Variants in JAK1 observed in about 807,000 individuals in gnomAD.
The protein encoded by JAK1 is Janus kinase 1.
A neutral mutation model predicts 136.6 loss-of-function variants in JAK1; 16 were observed. The observed-to-expected ratio is 0.12, with a 90% CI of 0.08 to 0.18. The LOEUF (loss-of-function observed/expected upper bound fraction) is 0.18. JAK1 is among the 10% of genes least tolerant of loss of function. The pLI, the probability that JAK1 is intolerant of heterozygous loss-of-function variation, is 1.00. For synonymous variants in JAK1, 492 were observed against 519.5 expected, an observed-to-expected ratio of 0.95 and a Z score of 0.72; for missense variants, 859 against 1,450.1, an observed-to-expected ratio of 0.59 and a Z score of 6.62.
chr1:64,875,357 A>G (rs1657336937), intron 4 of JAK1, among the ~76,000 whole-genome samples: 1 of 152,236 alleles, frequency 6.6e-6, no homozygotes, highest in Admixed American at 6.5e-5. Flanking sequence ...GGGAAGCCCC[A>G]TGGAAGATAG....
chr1:64,920,913 T>C lies in JAK1; in HGVS notation c.-77-34572A>G, dbSNP rs113143449. ...AAAACTGTCCCTAATATCCTACTGATAGAAAAAATAAGAGACACAGTTTCC... is the reference window on the plus strand; with the variant it reads ...AAAACTGTCCCTAATATCCTACTGACAGAAAAAATAAGAGACACAGTTTCC... On this transcript the variant is annotated intron_variant, in intron 1 of 24. Coordinates refer to ENST00000342505, the MANE Select transcript of JAK1 (RefSeq NM_002227.4). Among the ~76,000 whole-genome samples the C allele has an allele frequency of 1.2e-3, 178 of 152,276 alleles. 2 individuals carry two copies. Among genetic ancestry groups the C allele is most frequent in the African/African-American group, 3.7e-3 (154 of 41,568 alleles).
intron 1 of JAK1, among the ~76,000 whole-genome samples, chr1:64,907,490 A>G (rs1250188926): frequency 1.3e-5 from 2 of 152,130 alleles, no homozygotes; most frequent in African/African-American, 4.8e-5. Context: ...TACAAATAAG[A>G]TATGTTTGGA....
At chr1:65,032,170 T>C (rs778900834) in intron 2 of JAK1, among the ~76,000 whole-genome samples, 3 of 151,734 alleles carry the variant, frequency 2.0e-5, no homozygotes, top group Non-Finnish European at 4.4e-5. Context: ...TTTGCCATAT[T>C]GGCCAGGCTG....
chr1:65,067,370 G>T (rs1276721452), intron 1 of JAK1, among the ~76,000 whole-genome samples: 3 of 149,326 alleles, frequency 2.0e-5, no homozygotes, highest in Non-Finnish European at 4.5e-5. Context: ...CGCCGGAGCC[G>T]CTCTGTGCGC....
rs1025470183 is a variant in JAK1 at position 64,844,583 on chromosome 1, G to A, written c.2251+171C>T. ...AACGGGGGCTCGTTCAAGGACTTAA[G>A]AGAAGGCAGGAGATCAAGACCATCC... is the stretch of plus-strand genomic sequence containing the variant. On this transcript the variant is annotated intron_variant, in intron 16 of 24. Coordinates refer to ENST00000342505, the MANE Select transcript of JAK1 (RefSeq NM_002227.4). The surrounding 1 kb of genome is among the most constrained non-coding windows in gnomAD (Gnocchi z 5.7). Among the ~76,000 whole-genome samples the A allele has an allele frequency of 2.0e-5, 3 of 146,464 alleles. No homozygotes were observed. The highest frequency in any genetic ancestry group is 4.5e-5 in the Non-Finnish European group (3 of 67,152).
At chr1:64,847,708 T>C (rs1557629991) in intron 12 of JAK1, 33 bp from the exon 13 acceptor site, 2 of 1,609,390 alleles carry the variant, frequency 1.2e-6, no homozygotes, top group Non-Finnish European at 1.7e-6. Flanking sequence ...GGGTGACCTC[T>C]CTGTGCCCTG....
chr1:64,845,287 G>A (rs1337606436), intron 15 of JAK1, among the ~76,000 whole-genome samples: 1 of 152,054 alleles, frequency 6.6e-6, no homozygotes, highest in Admixed American at 6.6e-5. Flanking sequence ...GCCCTCTGAC[G>A]TGCTAACATT....
At position 64,984,928 on chromosome 1, in the gene JAK1, C is replaced by T. The variant is rs61734444; in HGVS notation, c.-78+59552G>A. 67,019 of 1,128,120 alleles carry T rather than the reference C, an allele frequency of 0.059. 2,397 individuals are homozygous for T. The highest frequency in any genetic ancestry group is 0.11 in the South Asian group (8,605 of 81,078). The allele number at this position is 1,128,120 out of a possible 1,614,324, so 69.9% of individuals were successfully genotyped here. The stretch of plus-strand genomic sequence containing the variant: ...CCAGGGCCCTGGCTGAAGAGTTCAG[C>T]CACAATAAACCAGGGAATGTGGTCT... On this transcript the variant is annotated intron_variant, in intron 2 of 25. Coordinates refer to the JAK1 transcript ENST00000671954. The surrounding 1 kb of genome is among the most constrained non-coding windows in gnomAD (Gnocchi z 4.1).
intron 1 of JAK1, among the ~76,000 whole-genome samples, chr1:64,892,256 T>C (rs1007074494): frequency 2.0e-5 from 3 of 151,502 alleles, no homozygotes; most frequent in Non-Finnish European, 4.4e-5. Context: ...GTGGGGAGAA[T>C]GGCTTGTCTT....
chr1:64,975,403 G>A (rs1270308435), intron 2 of JAK1, among the ~76,000 whole-genome samples: 1 of 152,214 alleles, frequency 6.6e-6, no homozygotes, highest in Non-Finnish European at 1.5e-5. Context: ...GATCTGAGCA[G>A]TGCACTTTCA....
At chr1:64,847,427 A>C in intron 13 of JAK1, 105 bp downstream of exon 13, 1 of 1,397,700 alleles carries the variant, frequency 7.2e-7, no homozygotes, top group South Asian at 1.3e-5. Flanking sequence ...CAAGTTTGAA[A>C]ACCACTGGGC....
At chr1:64,907,524 C>A (rs372678916) in intron 1 of JAK1, among the ~76,000 whole-genome samples, 24 of 152,206 alleles carry the variant, frequency 1.6e-4, no homozygotes, top group African/African-American at 5.1e-4. Flanking sequence ...ACATCACACA[C>A]TGGGGCCAAT....
At chr1:64,985,057 T>C in intron 2 of JAK1, 1 of 880,472 alleles carries the variant, frequency 1.1e-6, no homozygotes, top group Non-Finnish European at 2.0e-6. Context: ...GACATGAGGA[T>C]GGAACAAAAA....
chr1:64,940,419 C>A (rs928322455), intron 1 of JAK1, among the ~76,000 whole-genome samples: 7 of 151,590 alleles, frequency 4.6e-5, no homozygotes, highest in African/African-American at 1.7e-4. Flanking sequence ...CAGGTTCAAC[C>A]GATTCTTTTG....
chr1:64,853,956 TG>T (rs1655762326), intron 11 of JAK1, among the ~76,000 whole-genome samples: 1 of 152,190 alleles, frequency 6.6e-6, no homozygotes, highest in Admixed American at 6.5e-5. Flanking sequence ...TCCAGTGTGT[TG>T]CTGTGAATAA....
chr1:64,928,865 A>G (rs575717528), intron 1 of JAK1, among the ~76,000 whole-genome samples: 1 of 151,040 alleles, frequency 6.6e-6, no homozygotes, highest in African/African-American at 2.4e-5. Flanking sequence ...ATGATTTTAG[A>G]GATTATAATA....
At chr1:65,042,806 G>T (rs971945391) in intron 2 of JAK1, among the ~76,000 whole-genome samples, 1 of 152,162 alleles carries the variant, frequency 6.6e-6, no homozygotes, top group African/African-American at 2.4e-5. Flanking sequence ...GTCCCTATCT[G>T]CTAGGTGGTC....
intron 2 of JAK1, among the ~76,000 whole-genome samples, chr1:64,983,857 A>G (rs966574933): frequency 9.2e-5 from 14 of 152,376 alleles, no homozygotes; most frequent in African/African-American, 2.6e-4. Flanking sequence ...GCTTTATTAT[A>G]TAGGCATATG....
intron 1 of JAK1, among the ~76,000 whole-genome samples, chr1:64,901,408 C>G (rs532715390): frequency 6.6e-6 from 1 of 152,318 alleles, no homozygotes; most frequent in South Asian, 2.1e-4. Context: ...AAGAAGCCCA[C>G]ATGCTTACTC....
Sources: gnomAD v4.1 joint callset for allele counts (sites outside exome capture counted in the v4.1 genomes callset) on GRCh38, gnomAD v4.1.1 for gene constraint, Gnocchi (gnomAD v3.1) non-coding constraint, MANE v1.5 for transcripts, NCBI Gene and HGNC (gene_info 2026-07-23, HGNC 2026-07-21) for gene names.